BNC2: variants seen among roughly 807,000 people sequenced by gnomAD.
The protein encoded by BNC2 is basonuclin zinc finger protein 2.
BNC2 carries 20 observed loss-of-function variants against 76.3 expected under a neutral mutation model. The observed-to-expected ratio is 0.26, with a 90% CI of 0.18 to 0.38. The LOEUF (loss-of-function observed/expected upper bound fraction) is 0.38, where lower values mean the gene tolerates loss of function less well. BNC2 is among the 10% of genes least tolerant of loss of function. BNC2 has a pLI of 1.00. For missense variants in BNC2, 1,382 were observed against 1,399.8 expected (o/e 0.99, Z 0.20); for synonymous variants, 582 against 514.8 (o/e 1.13, Z -1.77).
rs771818071 is a variant in BNC2, at chr9:16,435,632, G to A, written c.2562C>T (p.Asn854=). ...SSYSVKLHYR[N]VHLKEMHVCT... ...AGACGTGCATCTCTTTCAAGTGAACGTTCCTGTAGTGAAGTTTCACACTGT... is the reference window on the plus strand; with the variant it reads ...AGACGTGCATCTCTTTCAAGTGAACATTCCTGTAGTGAAGTTTCACACTGT... Residue 854 remains asparagine (N), a synonymous_variant, in exon 6 of 7, where the codon AAC becomes AAT. Transcript: ENST00000380672. The A allele has an allele frequency of 1.4e-5, 22 of 1,614,146 alleles. No individual in the cohort carries two copies. Among genetic ancestry groups the A allele is most frequent in the Non-Finnish European group, 1.8e-5 (21 of 1,180,014 alleles).
intron 5 of BNC2, among the ~76,000 whole-genome samples, chr9:16,528,728 A>C (rs1441152898): frequency 1.3e-5 from 2 of 152,232 alleles, no homozygotes; most frequent in Non-Finnish European, 2.9e-5. Context: ...CAAACACTGA[A>C]AACAACCCAA....
chr9:16,596,433 A>G (rs1325398208), intron 3 of BNC2, among the ~76,000 whole-genome samples: 1 of 152,108 alleles, frequency 6.6e-6, no homozygotes, highest in Non-Finnish European at 1.5e-5. Flanking sequence ...ATCTACACAC[A>G]CTAGGTAAAT....
At chr9:16,860,997 G>C (rs907598328) in intron 1 of BNC2, among the ~76,000 whole-genome samples, 5 of 150,498 alleles carry the variant, frequency 3.3e-5, no homozygotes, top group Non-Finnish European at 5.9e-5. Context: ...AGTGAGCTGA[G>C]ATCACGCCAC....
intron 5 of BNC2, 99 bp from the exon 6 acceptor site, chr9:16,437,623 A>C: frequency 7.2e-7 from 1 of 1,382,094 alleles, no homozygotes; most frequent in Non-Finnish European, 9.9e-7. Flanking sequence ...GTGCTCATAA[A>C]ACACTGAGCA....
At chr9:16,788,903 C>G (rs1817423131) in intron 1 of BNC2, among the ~76,000 whole-genome samples, 1 of 150,070 alleles carries the variant, frequency 6.7e-6, no homozygotes, top group Non-Finnish European at 1.5e-5. Flanking sequence ...GAAACGAATT[C>G]CACCTCCTAC....
intron 1 of BNC2, among the ~76,000 whole-genome samples, chr9:16,862,737 G>A (rs1241837034): frequency 6.6e-6 from 1 of 151,876 alleles, no homozygotes; most frequent in African/African-American, 2.4e-5. Flanking sequence ...TTAAAATTAT[G>A]GCCTTCATCT....
At chr9:16,463,323 G>T in intron 5 of BNC2, among the ~76,000 whole-genome samples, 1 of 127,502 alleles carries the variant, frequency 7.8e-6, no homozygotes, top group African/African-American at 3.9e-5. Flanking sequence ...TTGAGACGGA[G>T]TCTCGCTCTG....
chr9:16,490,230 G>C (rs747715836), intron 5 of BNC2, among the ~76,000 whole-genome samples: 15 of 152,116 alleles, frequency 9.9e-5, no homozygotes, highest in Non-Finnish European at 1.6e-4. Context: ...GGAGGCCTCA[G>C]AATCATGGTG....
intron 5 of BNC2, among the ~76,000 whole-genome samples, chr9:16,475,818 C>A (rs1204381921): frequency 6.6e-6 from 1 of 152,188 alleles, no homozygotes; most frequent in Non-Finnish European, 1.5e-5. Flanking sequence ...GGCCTAGCAG[C>A]ACCGATAGCC....
chr9:16,627,792 T>G (rs1357698349), intron 3 of BNC2, among the ~76,000 whole-genome samples: 1 of 152,162 alleles, frequency 6.6e-6, no homozygotes, highest in Non-Finnish European at 1.5e-5. Flanking sequence ...ATTAATGTCT[T>G]TTACTTGCAT....
chr9:16,662,920 G>T (rs1031595517), intron 3 of BNC2, among the ~76,000 whole-genome samples: 1 of 152,004 alleles, frequency 6.6e-6, no homozygotes, highest in Non-Finnish European at 1.5e-5. Flanking sequence ...GCTATTACCT[G>T]CAGTAAGTGC....
intron 5 of BNC2, among the ~76,000 whole-genome samples, chr9:16,484,847 G>A (rs1445478922): frequency 6.6e-6 from 1 of 152,164 alleles, no homozygotes; most frequent in Non-Finnish European, 1.5e-5. Flanking sequence ...CATTTCCACT[G>A]TCAGAGGGGA....
At chr9:16,599,130 C>A (rs1236257904) in intron 3 of BNC2, among the ~76,000 whole-genome samples, 1 of 152,172 alleles carries the variant, frequency 6.6e-6, no homozygotes, top group Non-Finnish European at 1.5e-5. Flanking sequence ...AAAGACAATG[C>A]TAGAAATTAT....
intron 1 of BNC2, among the ~76,000 whole-genome samples, chr9:16,777,034 G>A (rs1158347946): frequency 6.6e-6 from 1 of 152,136 alleles, no homozygotes; most frequent in African/African-American, 2.4e-5. Flanking sequence ...GTTGAGGCAA[G>A]AGAATCACTT....
At chr9:16,421,014 G>A (rs574132127) in intron 6 of BNC2, among the ~76,000 whole-genome samples, 14 of 152,258 alleles carry the variant, frequency 9.2e-5, no homozygotes, top group Middle Eastern at 3.4e-3. Context: ...TGACCTAAAT[G>A]GCTGATATAA....
At chr9:16,599,840 T>A (rs1010645263) in intron 3 of BNC2, among the ~76,000 whole-genome samples, 24 of 152,318 alleles carry the variant, frequency 1.6e-4, no homozygotes, top group Non-Finnish European at 2.9e-4. Context: ...CATTTTTCAT[T>A]GATAAATTGA....
intron 3 of BNC2, among the ~76,000 whole-genome samples, chr9:16,630,065 T>C (rs1821117674): frequency 6.6e-6 from 1 of 152,242 alleles, no homozygotes; most frequent in South Asian, 2.1e-4. Context: ...ACTGCTTCAA[T>C]TTGTAAAAGA....
chr9:16,794,834 T>C (rs767584780), intron 1 of BNC2, among the ~76,000 whole-genome samples: 7 of 152,198 alleles, frequency 4.6e-5, no homozygotes, highest in Admixed American at 2.0e-4. Context: ...CTTTTTCATT[T>C]ACACAATTTT....
chr9:16,469,331 G>C (rs1821768349), intron 5 of BNC2, among the ~76,000 whole-genome samples: 1 of 152,168 alleles, frequency 6.6e-6, no homozygotes, highest in Non-Finnish European at 1.5e-5. Flanking sequence ...AATCATGGGG[G>C]CTGGTCTTTC....
Sources: gnomAD v4.1 joint callset for allele counts (sites outside exome capture counted in the v4.1 genomes callset) on GRCh38, gnomAD v4.1.1 for gene constraint, MANE v1.5 for transcripts, NCBI Gene and HGNC (gene_info 2026-07-23, HGNC 2026-07-21) for gene names.